Variants in ALDH1A1 observed in about 807,000 individuals in gnomAD.
ALDH1A1 encodes aldehyde dehydrogenase 1A1.
A neutral mutation model predicts 62.1 loss-of-function variants in ALDH1A1; 19 were observed. That is an observed-to-expected ratio of 0.31 (90% confidence interval 0.21 to 0.45). The LOEUF is 0.45. Among genes scored for constraint, ALDH1A1 ranks in the 20% least tolerant of loss-of-function variants. The pLI is 1.00. For missense variants in ALDH1A1, 521 were observed against 607.1 expected (o/e 0.86, Z 1.49); for synonymous variants, 231 against 215.9 (o/e 1.07, Z -0.61).
intron 12 of ALDH1A1, among the ~76,000 whole-genome samples, chr9:72,903,695 T>A (rs1381649276): frequency 2.0e-5 from 3 of 152,064 alleles, no homozygotes; most frequent in African/African-American, 7.2e-5. Context: ...AAATTACTGA[T>A]GGTTGATTCC....
rs1272518520 is a variant in ALDH1A1 at position 72,925,626 on chromosome 9, T to G, written c.505-14A>C. 1.9e-6 allele frequency: 3 copies of G among 1,610,928 alleles called. No homozygotes were observed. Among genetic ancestry groups the G allele is most frequent in the Non-Finnish European group, 2.5e-6 (3 of 1,178,912 alleles). ...CGGGAAATTCCACTAGAAAGCAATA[T>G]GTAACAATAGATTCTTTGTATTGCA... On this transcript the variant is annotated splice_polypyrimidine_tract_variant and intron_variant, in intron 5 of 12. Coordinates refer to ENST00000297785, the MANE Select transcript of ALDH1A1 (RefSeq NM_000689.5).
intron 2 of ALDH1A1, among the ~76,000 whole-genome samples, chr9:72,938,596 G>A (rs1399285576): frequency 1.3e-5 from 2 of 151,710 alleles, no homozygotes; most frequent in Non-Finnish European, 2.9e-5. Context: ...ACAGGCATGC[G>A]CCACCATGCC....
intron 2 of ALDH1A1, 50 bp from the exon 3 acceptor site, chr9:72,931,069 C>T (rs370894682): frequency 8.1e-6 from 13 of 1,607,028 alleles, no homozygotes; most frequent in Non-Finnish European, 1.1e-5. Flanking sequence ...ATTAGGCAAG[C>T]AAATTTAATG....
chr9:72,926,931 T>G (rs1830219376), intron 5 of ALDH1A1, 185 bp downstream of exon 5: 1 of 490,656 alleles, frequency 2.0e-6, no homozygotes, highest in African/African-American at 1.9e-5. Flanking sequence ...TATAGATAGG[T>G]TTTCGGACTA....
chr9:72,924,926 G>A (rs1399434824), intron 6 of ALDH1A1, among the ~76,000 whole-genome samples: 4 of 152,178 alleles, frequency 2.6e-5, no homozygotes, highest in African/African-American at 9.7e-5. Flanking sequence ...TGATGAAAAT[G>A]TTTTACATGT....
At chr9:72,938,435 T>C (rs900235373) in intron 2 of ALDH1A1, among the ~76,000 whole-genome samples, 6 of 152,114 alleles carry the variant, frequency 3.9e-5, no homozygotes, top group Admixed American at 3.9e-4. Context: ...TTTAATATTA[T>C]GCTATCTAAT....
chr9:72,948,409 T>C (rs556238962), intron 1 of ALDH1A1, among the ~76,000 whole-genome samples: 4 of 152,080 alleles, frequency 2.6e-5, no homozygotes, highest in South Asian at 2.1e-4. Context: ...CCCCAGCCTG[T>C]ACTTCAGTTT....
At chr9:72,904,415 A>G (rs1264257591) in intron 12 of ALDH1A1, among the ~76,000 whole-genome samples, 2 of 152,098 alleles carry the variant, frequency 1.3e-5, no homozygotes, top group Non-Finnish European at 2.9e-5. Flanking sequence ...ACACCAATCA[A>G]CAAAATTCAC....
In ALDH1A1 at chr9:72,901,162, G is replaced by A; in HGVS notation, c.*46C>T. Reference sequence around the variant, plus strand: ...AATCTACTATATTAGTGACTGTAAGGAGATGCTTAGCTATTGAAGAGCTTC... The same window carrying A: ...AATCTACTATATTAGTGACTGTAAGAAGATGCTTAGCTATTGAAGAGCTTC... On this transcript the variant is annotated 3_prime_UTR_variant, in exon 13 of 13. Transcript: ENST00000297785. 7.1e-7 allele frequency: 1 copy of A among 1,406,340 alleles called. No homozygotes were observed. 87.1% of individuals were successfully genotyped at this position (1,406,340 alleles called of 1,614,324 possible). A position where few individuals can be genotyped will look rare whatever the true frequency, so the allele number is the denominator to read the frequency against.
chr9:72,932,925 T>C (rs1324690293), intron 2 of ALDH1A1, among the ~76,000 whole-genome samples: 3 of 152,208 alleles, frequency 2.0e-5, no homozygotes, highest in Non-Finnish European at 4.4e-5. Flanking sequence ...AAATATGGGC[T>C]ATCATAGGGA....
intron 11 of ALDH1A1, among the ~76,000 whole-genome samples, chr9:72,907,118 A>G (rs755749245): frequency 2.6e-5 from 4 of 152,208 alleles, no homozygotes; most frequent in African/African-American, 2.4e-5. Context: ...ACACTATCCC[A>G]GTTCCCGAAG....
chr9:72,915,162 A>G (rs1030231643), intron 9 of ALDH1A1, among the ~76,000 whole-genome samples: 2 of 152,216 alleles, frequency 1.3e-5, no homozygotes, highest in African/African-American at 4.8e-5. Context: ...CTATTCATTT[A>G]TAGAAACTAA....
intron 2 of ALDH1A1, among the ~76,000 whole-genome samples, chr9:72,932,941 G>T (rs917831901): frequency 2.3e-4 from 35 of 152,190 alleles, no homozygotes; most frequent in African/African-American, 8.4e-4. Context: ...AGGGATCTTG[G>T]CCTCCCAAAG....
intron 11 of ALDH1A1, among the ~76,000 whole-genome samples, chr9:72,908,910 A>G (rs1475154249): frequency 2.6e-5 from 4 of 152,162 alleles, no homozygotes; most frequent in African/African-American, 7.2e-5. Context: ...AATAACTTCA[A>G]TTATCTCTAA....
chr9:72,904,021 A>C (rs2118472837), intron 12 of ALDH1A1, among the ~76,000 whole-genome samples: 1 of 152,200 alleles, frequency 6.6e-6, no homozygotes, highest in Non-Finnish European at 1.5e-5. Flanking sequence ...ACTTTGTGAC[A>C]GTTATGTGGC....
chr9:72,929,811 CTTT>C (rs1437315811), intron 3 of ALDH1A1, among the ~76,000 whole-genome samples: 11 of 152,176 alleles, frequency 7.2e-5, no homozygotes, highest in African/African-American at 2.7e-4. Flanking sequence ...CCAAATGTGA[CTTT>C]TGTATGCCTG....
Position 72,901,912 on chromosome 9 carries a change from C to A in ALDH1A1, c.1434-632G>T, listed in dbSNP as rs149754061. Among the ~76,000 whole-genome samples the A allele has an allele frequency of 3.5e-3, 527 of 152,170 alleles. 3 individuals carry two copies. Among genetic ancestry groups the A allele is most frequent in the African/African-American group, 0.012 (489 of 41,562 alleles). On this transcript the variant is annotated intron_variant, in intron 12 of 12. Coordinates refer to ENST00000297785, the MANE Select transcript of ALDH1A1 (RefSeq NM_000689.5). ...AAATATTTTGCAGCAGTAGTTTCAG[C>A]AAAATCTTTTGATTCTTGGCAAAAC...
rs1193803403 is a variant in ALDH1A1 at position 72,912,209 on chromosome 9, A to G, written c.1036-87T>C. On this transcript the variant is annotated intron_variant, in intron 9 of 12. Coordinates refer to ENST00000297785, the MANE Select transcript of ALDH1A1 (RefSeq NM_000689.5). ...TGGGCCTGTTAACAAGGGCTTCAAA[A>G]TGCTAAAATATTGCAATTAAACCAA... 7 of 1,088,764 alleles carry G rather than the reference A, an allele frequency of 6.4e-6. 1 individual carries two copies. The highest frequency in any genetic ancestry group is 6.2e-5 in the South Asian group (4 of 64,410). The allele number at this position is 1,088,764 out of a possible 1,614,324, so 67.4% of individuals were successfully genotyped here.
chr9:72,940,800 C>T (rs1830406175), intron 1 of ALDH1A1, among the ~76,000 whole-genome samples: 1 of 152,142 alleles, frequency 6.6e-6, no homozygotes, highest in Non-Finnish European at 1.5e-5. Context: ...TTCTCCTTTT[C>T]AAAAGATTAC....
Sources: allele counts gnomAD v4.1 joint callset (sites outside exome capture counted in the v4.1 genomes callset), GRCh38; gene constraint gnomAD v4.1.1; transcripts MANE v1.5; gene names NCBI Gene and HGNC (gene_info 2026-07-23, HGNC 2026-07-21).